The following CSMD3 variants were observed in gnomAD, a reference collection of about 807,000 sequenced individuals.
CSMD3 encodes CUB and sushi domain-containing protein 3.
CSMD3 carries 177 observed loss-of-function variants against 435.2 expected under a neutral mutation model. That is an observed-to-expected ratio of 0.41 (90% CI 0.36 to 0.46). The LOEUF (loss-of-function observed/expected upper bound fraction) is 0.46. CSMD3 is among the 20% of genes least tolerant of loss of function. CSMD3 has a pLI of 0.34. For missense variants in CSMD3, 4,265 were observed against 4,504.6 expected (o/e 0.95, Z 1.52); for synonymous variants, 1,656 against 1,520.5 (o/e 1.09, Z -2.07).
chr8:113,428,781 C>G (rs963180765), intron 1 of CSMD3, among the ~76,000 whole-genome samples: 1 of 151,802 alleles, frequency 6.6e-6, no homozygotes, highest in African/African-American at 2.4e-5. Flanking sequence ...TAACAGAAAA[C>G]TATGGCAAAA....
chr8:112,985,736 G>T (rs73347963), intron 6 of CSMD3, among the ~76,000 whole-genome samples: 1 of 152,070 alleles, frequency 6.6e-6, no homozygotes, highest in Non-Finnish European at 1.5e-5. Flanking sequence ...AGCATGAACT[G>T]CTCAAGCAAG....
chr8:113,147,860 T>C (rs936911195), intron 4 of CSMD3, among the ~76,000 whole-genome samples: 1 of 151,670 alleles, frequency 6.6e-6, no homozygotes, highest in African/African-American at 2.4e-5. Flanking sequence ...CCTAATTATA[T>C]CTCAAACTCA....
chr8:112,653,553 A>AT (rs147542992), intron 18 of CSMD3, among the ~76,000 whole-genome samples: 2,443 of 152,076 alleles, frequency 0.016, 65 homozygotes, highest in African/African-American at 0.055. Context: ...AACAGACGTG[A>AT]TTTTTTCCTG....
At chr8:112,700,842 G>T (rs1280531831) in intron 13 of CSMD3, among the ~76,000 whole-genome samples, 2 of 152,164 alleles carry the variant, frequency 1.3e-5, no homozygotes, top group Admixed American at 1.3e-4. Flanking sequence ...AAGCCTGAGA[G>T]ATGAAATTTT....
At chr8:112,469,540 G>A (rs1818316699) in intron 32 of CSMD3, among the ~76,000 whole-genome samples, 2 of 152,126 alleles carry the variant, frequency 1.3e-5, no homozygotes, top group Admixed American at 6.5e-5. Flanking sequence ...CCCATGGGAT[G>A]GTTTCAGGAT....
Position 113,173,864 on chromosome 8 carries a change from T to C in CSMD3, c.567A>G (p.Leu189=). Reference sequence around the variant, plus strand: ...CCCCGACGTCGAATCTTGTGCCATATAATACACCTTTGGGTGGAACACCAG... The same window carrying C: ...CCCCGACGTCGAATCTTGTGCCATACAATACACCTTTGGGTGGAACACCAG... ...GNPGVPPKGV[L]YGTRFDVGDK... Residue 189 remains leucine, a synonymous_variant, in exon 4 of 71, where the codon TTA becomes TTG. Transcript: ENST00000297405. 6.2e-7 allele frequency: 1 copy of C among 1,613,916 alleles called. No homozygotes were observed. Among genetic ancestry groups the C allele is most frequent in the Admixed American group, 1.7e-5 (1 of 59,988 alleles).
chr8:113,293,732 C>A (rs2093701238), intron 2 of CSMD3, among the ~76,000 whole-genome samples: 1 of 152,022 alleles, frequency 6.6e-6, no homozygotes, highest in South Asian at 2.1e-4. Context: ...TTATTAAATT[C>A]TTTCTATTTG....
intron 1 of CSMD3, among the ~76,000 whole-genome samples, chr8:113,393,869 C>G (rs577610211): frequency 2.6e-5 from 4 of 151,676 alleles, no homozygotes; most frequent in African/African-American, 9.7e-5. Flanking sequence ...TTTTGGGAAG[C>G]CTTTTTCTCT....
At chr8:112,365,629 C>T (rs1286391531) in intron 38 of CSMD3, among the ~76,000 whole-genome samples, 1 of 151,826 alleles carries the variant, frequency 6.6e-6, no homozygotes, top group Admixed American at 6.6e-5. Context: ...ACATGAAGAA[C>T]AAACATCAAA....
At chr8:112,671,994 A>G (rs953126031) in intron 16 of CSMD3, among the ~76,000 whole-genome samples, 4 of 152,002 alleles carry the variant, frequency 2.6e-5, no homozygotes, top group Non-Finnish European at 5.9e-5. Flanking sequence ...TAGCTGCTGA[A>G]ATTGAAAAAA....
At chr8:112,627,300 T>C (rs996583243) in intron 22 of CSMD3, among the ~76,000 whole-genome samples, 1 of 152,164 alleles carries the variant, frequency 6.6e-6, no homozygotes, top group Admixed American at 6.6e-5. Flanking sequence ...AAAGAAAAAG[T>C]ATGCTCTAGG....
intron 38 of CSMD3, among the ~76,000 whole-genome samples, chr8:112,370,521 C>T (rs1169913129): frequency 6.6e-6 from 1 of 152,238 alleles, no homozygotes; most frequent in East Asian, 1.9e-4. Context: ...TAATTTCCTA[C>T]TACCTCACTT....
intron 13 of CSMD3, among the ~76,000 whole-genome samples, chr8:112,724,125 G>T (rs1182016332): frequency 1.3e-5 from 2 of 152,060 alleles, no homozygotes; most frequent in Admixed American, 6.6e-5. Flanking sequence ...CTGTGGAGAG[G>T]TGAATAGGTT....
intron 24 of CSMD3, among the ~76,000 whole-genome samples, chr8:112,566,986 C>T (rs1002271289): frequency 1.3e-5 from 2 of 152,100 alleles, no homozygotes; most frequent in African/African-American, 4.8e-5. Context: ...AGAAAGAGAG[C>T]TGTTCTCTTT....
intron 3 of CSMD3, among the ~76,000 whole-genome samples, chr8:113,245,456 A>G (rs1393975267): frequency 6.6e-6 from 1 of 152,068 alleles, no homozygotes; most frequent in Admixed American, 6.6e-5. Context: ...AGATTAAAAC[A>G]CATGCATTTA....
intron 51 of CSMD3, 73 bp from the exon 52 acceptor site, chr8:112,304,988 C>A (rs1372093010): frequency 9.3e-7 from 1 of 1,073,488 alleles, no homozygotes; most frequent in Middle Eastern, 2.1e-4. Flanking sequence ...CTTTACATCT[C>A]CACTGACCTA....
In CSMD3 at chr8:112,954,545, C is replaced by A; in HGVS notation, c.1420+139G>T. 4.8e-6 allele frequency: 3 copies of A among 623,134 alleles called. No individual in the cohort carries two copies. The South Asian group carries it at 5.7e-5, about 12-fold the overall frequency. 38.6% of individuals were successfully genotyped at this position (623,134 alleles called of 1,614,324 possible). On this transcript the variant is annotated intron_variant, in intron 8 of 70. Transcript: ENST00000297405. ...ATTAAAATATAAAATATTGAATAATCATCATGCATGTTACACAGATATTAA... is the reference window on the plus strand; with the variant it reads ...ATTAAAATATAAAATATTGAATAATAATCATGCATGTTACACAGATATTAA...
At chr8:112,324,551 TTAAC>T (rs922500818) in intron 45 of CSMD3, among the ~76,000 whole-genome samples, 1 of 150,938 alleles carries the variant, frequency 6.6e-6, no homozygotes, top group African/African-American at 2.4e-5. Flanking sequence ...TTAGTAGAAT[TTAAC>T]TAGTTGAAGC....
rs184431776 is a variant in CSMD3 at position 113,379,978 on chromosome 8, T to G, written c.178+56699A>C. On this transcript the variant is annotated intron_variant, in intron 1 of 70. Transcript: ENST00000297405. ...GCAAACTAATTCCTGTCTTGTCACA[T>G]GCAAATTTGATCTTGTCCAGTAGAT... 1.0e-3 allele frequency among the ~76,000 whole-genome samples: 152 copies of G among 152,300 alleles called. 2 individuals carry two copies. The highest frequency in any genetic ancestry group is 6.5e-4 in the Non-Finnish European group (44 of 68,014).
Sources: gnomAD v4.1 joint callset for allele counts (sites outside exome capture counted in the v4.1 genomes callset) on GRCh38, gnomAD v4.1.1 for gene constraint, MANE v1.5 for transcripts, NCBI Gene and HGNC (gene_info 2026-07-23, HGNC 2026-07-21) for gene names.